Variants in SMU1 observed in about 807,000 individuals in gnomAD.
The protein encoded by SMU1 is SMU1 DNA replication regulator and spliceosomal factor.
In SMU1, 2 loss-of-function variants were observed where a neutral mutation model predicts 62.0. That is an observed-to-expected ratio of 0.03 (90% CI 0.01 to 0.10). The LOEUF (loss-of-function observed/expected upper bound fraction) is 0.10, where lower values mean the gene tolerates loss of function less well. Ranked by LOEUF, SMU1 falls within the 10% of genes least tolerant of loss-of-function variation. The pLI is 1.00. For missense variants in SMU1, 227 were observed against 622.1 expected (o/e 0.36, Z 6.76); for synonymous variants, 188 against 212.4 (o/e 0.89, Z 1.00).
At chr9:33,062,250 A>T (rs1299536305) in intron 4 of SMU1, 73 bp from the exon 5 acceptor site, 4 of 1,521,626 alleles carry the variant, frequency 2.6e-6, no homozygotes, top group Non-Finnish European at 3.5e-6. Flanking sequence ...CTCAGAAACC[A>T]AGCCCGAAAG....
chr9:33,071,553 G>A (rs772935297), intron 3 of SMU1, among the ~76,000 whole-genome samples, 187 bp downstream of exon 3: 2 of 150,334 alleles, frequency 1.3e-5, no homozygotes, highest in African/African-American at 2.5e-5. Context: ...TCAGAAAACT[G>A]AACAAAATTA....
At chr9:33,052,876 G>C (rs889200495) in intron 10 of SMU1, among the ~76,000 whole-genome samples, 4 of 152,222 alleles carry the variant, frequency 2.6e-5, no homozygotes, top group Non-Finnish European at 5.9e-5. Context: ...AAGACAGATA[G>C]GAGCTTCCTT....
chr9:33,063,172 G>A (rs1379799657), intron 4 of SMU1, among the ~76,000 whole-genome samples: 1 of 152,174 alleles, frequency 6.6e-6, no homozygotes, highest in African/African-American at 2.4e-5. Flanking sequence ...GGCCAGCCTG[G>A]TCAACATGGT....
At chr9:33,054,114 G>T (rs1839279517) in intron 9 of SMU1, among the ~76,000 whole-genome samples, 1 of 151,914 alleles carries the variant, frequency 6.6e-6, no homozygotes, top group Non-Finnish European at 1.5e-5. Flanking sequence ...GTGCGATCTT[G>T]TCTCTATGTA....
chr9:33,065,503 AT>A (rs754240624), intron 4 of SMU1, among the ~76,000 whole-genome samples: 1 of 152,224 alleles, frequency 6.6e-6, no homozygotes, highest in African/African-American at 2.4e-5. Context: ...CAAGAAAAAA[AT>A]GTTAGTTAAA....
chr9:33,054,051 A>G (rs980491060), intron 9 of SMU1, among the ~76,000 whole-genome samples: 1 of 152,226 alleles, frequency 6.6e-6, no homozygotes, highest in South Asian at 2.1e-4. Flanking sequence ...TTGGGAAGCC[A>G]AGGCGGGTGG....
chr9:33,066,849 A>G (rs1839427096), intron 4 of SMU1, among the ~76,000 whole-genome samples: 1 of 152,062 alleles, frequency 6.6e-6, no homozygotes, highest in South Asian at 2.1e-4. Flanking sequence ...AGACCTACCA[A>G]AAAAATAAGA....
intron 4 of SMU1, among the ~76,000 whole-genome samples, 190 bp from the exon 5 acceptor site, chr9:33,062,367 C>G (rs1395734391): frequency 6.6e-6 from 1 of 152,178 alleles, no homozygotes; most frequent in African/African-American, 2.4e-5. Flanking sequence ...ACAGGCTGAT[C>G]TAAGGGTGAA....
chr9:33,048,412 C>T (rs1159395052), intron 10 of SMU1, 154 bp from the exon 11 acceptor site: 6 of 452,684 alleles, frequency 1.3e-5, no homozygotes, highest in Non-Finnish European at 1.8e-5. Context: ...CATGTGCTAA[C>T]TCCCCTTGCC....
intron 4 of SMU1, among the ~76,000 whole-genome samples, chr9:33,065,327 G>A (rs1369580734): frequency 6.6e-6 from 1 of 152,008 alleles, no homozygotes; most frequent in Non-Finnish European, 1.5e-5. Flanking sequence ...GAAACTAAAG[G>A]GAAACGAAAC....
intron 1 of SMU1, among the ~76,000 whole-genome samples, chr9:33,075,121 A>C (rs570538565): frequency 3.2e-4 from 48 of 152,286 alleles, no homozygotes; most frequent in Middle Eastern, 3.4e-3. Context: ...TCACGCCTGT[A>C]ATCTCACCAC....
chr9:33,076,622 C>A lies in SMU1; in HGVS notation c.-14G>T, dbSNP rs1274577086. The A allele has an allele frequency of 6.2e-7, 1 of 1,613,906 alleles. No individual in the cohort carries two copies. The highest frequency in any genetic ancestry group is 1.7e-5 in the Admixed American group (1 of 60,020). On this transcript the variant is annotated 5_prime_UTR_variant, in exon 1 of 12. Transcript: ENST00000397149. The stretch of plus-strand genomic sequence containing the variant: ...TTCGATCGACATAGCCGTATCTCTC[C>A]GGGAGCAGGCCCCAGCTCTCCCTCA...
In SMU1 at chr9:33,068,948, G is replaced by C; in HGVS notation, c.391-14C>G. On this transcript the variant is annotated splice_polypyrimidine_tract_variant and intron_variant, in intron 3 of 11. Coordinates refer to ENST00000397149, the MANE Select transcript of SMU1 (RefSeq NM_018225.3). ...ATCTGGGTATGCCTGAAAAAGGAGA[G>C]GGTGTAGCATCATTTCCAAGAAGCA... The C allele has an allele frequency of 6.2e-7, 1 of 1,613,578 alleles. No individual in the cohort carries two copies. Among genetic ancestry groups the C allele is most frequent in the Non-Finnish European group, 8.5e-7 (1 of 1,179,762 alleles).
chr9:33,067,297 CAAAAAAAAAAAAA>C (rs58105257), intron 4 of SMU1, among the ~76,000 whole-genome samples: 13,229 of 53,234 alleles, frequency 0.25, 957 homozygotes, highest in East Asian at 0.42. Context: ...TGCTAATGAC[CAAAAAAAAAAAAA>C]AAAAAAAAAA....
At chr9:33,055,721 T>A (rs1213408142) in intron 9 of SMU1, among the ~76,000 whole-genome samples, 2 of 152,218 alleles carry the variant, frequency 1.3e-5, no homozygotes, top group Non-Finnish European at 2.9e-5. Context: ...GCAGTGAGGC[T>A]GTGCAACAAA....
chr9:33,071,943 T>C (rs1839491840), intron 2 of SMU1, 51 bp from the exon 3 acceptor site: 2 of 1,471,146 alleles, frequency 1.4e-6, no homozygotes, highest in African/African-American at 1.5e-5. Context: ...CAACACACCG[T>C]CTTATTAATA....
intron 1 of SMU1, among the ~76,000 whole-genome samples, chr9:33,075,855 G>C (rs1284115318): frequency 1.3e-5 from 2 of 152,190 alleles, no homozygotes; most frequent in Non-Finnish European, 2.9e-5. Flanking sequence ...TTCTGGAAAA[G>C]CACACTAAGG....
At chr9:33,069,072 G>A (rs1000333110) in intron 3 of SMU1, 138 bp from the exon 4 acceptor site, 6 of 1,315,370 alleles carry the variant, frequency 4.6e-6, no homozygotes, top group Non-Finnish European at 5.0e-6. Context: ...GGGATTAGTT[G>A]AACTAATTTA....
At chr9:33,049,356 A>T (rs960585743) in intron 10 of SMU1, among the ~76,000 whole-genome samples, 3 of 152,252 alleles carry the variant, frequency 2.0e-5, no homozygotes, top group African/African-American at 7.2e-5. Context: ...TGTTTTCAAC[A>T]AGAGATGCCA....
Sources: gnomAD v4.1 joint callset for allele counts (sites outside exome capture counted in the v4.1 genomes callset) on GRCh38, gnomAD v4.1.1 for gene constraint, MANE v1.5 for transcripts, NCBI Gene and HGNC (gene_info 2026-07-23, HGNC 2026-07-21) for gene names.